PTPRT: variants seen among roughly 807,000 people sequenced by gnomAD.
The protein encoded by PTPRT is protein tyrosine phosphatase receptor type T.
PTPRT carries 56 observed loss-of-function variants against 176.8 expected under a neutral mutation model. That is an observed-to-expected ratio of 0.32 (90% CI 0.26 to 0.40). The LOEUF (loss-of-function observed/expected upper bound fraction) is 0.40, where lower values mean the gene tolerates loss of function less well. Ranked by LOEUF, PTPRT falls within the 10% of genes least tolerant of loss-of-function variation. The pLI is 1.00. For missense variants in PTPRT, 1,540 were observed against 1,908.2 expected (o/e 0.81, Z 3.60); for synonymous variants, 783 against 739.0 (o/e 1.06, Z -0.96).
intron 1 of PTPRT, among the ~76,000 whole-genome samples, chr20:43,110,155 T>A (rs548461554): frequency 6.6e-6 from 1 of 152,086 alleles, no homozygotes; most frequent in South Asian, 2.1e-4. Context: ...TGATGGAAGG[T>A]GAAGGGGAGC....
intron 7 of PTPRT, among the ~76,000 whole-genome samples, chr20:42,649,763 CAT>C (rs2074995588): frequency 6.6e-6 from 1 of 151,962 alleles, no homozygotes; most frequent in Non-Finnish European, 1.5e-5. Flanking sequence ...ACTTCTCTCT[CAT>C]GTTTGGAGAG....
chr20:43,070,068 G>C (rs191970289), intron 1 of PTPRT, among the ~76,000 whole-genome samples: 2 of 152,270 alleles, frequency 1.3e-5, no homozygotes, highest in East Asian at 3.9e-4. Flanking sequence ...ACCTACAGAT[G>C]TATTTCAATG....
chr20:42,234,558 C>CA (rs1383551976), intron 15 of PTPRT, among the ~76,000 whole-genome samples: 3 of 152,188 alleles, frequency 2.0e-5, no homozygotes, highest in Non-Finnish European at 4.4e-5. Flanking sequence ...CCCTGCCACA[C>CA]AAAAAATTCA....
intron 27 of PTPRT, among the ~76,000 whole-genome samples, chr20:42,091,281 T>C (rs1984591257): frequency 1.3e-5 from 2 of 152,206 alleles, no homozygotes; most frequent in South Asian, 4.1e-4. Flanking sequence ...CAAGTTCACG[T>C]GTGATATATA....
chr20:42,222,019 T>C (rs1476831320), intron 15 of PTPRT, among the ~76,000 whole-genome samples: 1 of 152,146 alleles, frequency 6.6e-6, no homozygotes, highest in Non-Finnish European at 1.5e-5. Context: ...TTTTCTATTG[T>C]AATTTAGAGC....
At chr20:42,688,455 T>A (rs2075736790) in intron 6 of PTPRT, 1 of 152,214 alleles carries the variant, frequency 6.6e-6, no homozygotes, top group Non-Finnish European at 1.5e-5. Flanking sequence ...CCAGGTGTGG[T>A]CACCACTTCC....
chr20:42,738,493 A>G (rs1569123993), intron 6 of PTPRT, among the ~76,000 whole-genome samples: 1 of 151,550 alleles, frequency 6.6e-6, no homozygotes. Flanking sequence ...TGGGCAACAG[A>G]GTGAGACTCT....
chr20:42,067,067 T>C, the PTPRT span, among the ~76,000 whole-genome samples: 11 of 152,180 alleles, frequency 7.2e-5, no homozygotes, highest in Non-Finnish European at 1.6e-4. Context: ...TCTGGTGATG[T>C]TTTCCTGTTT....
At chr20:42,111,458 G>GTAAT (rs919048264) in intron 22 of PTPRT, among the ~76,000 whole-genome samples, 5 of 152,204 alleles carry the variant, frequency 3.3e-5, no homozygotes, top group African/African-American at 1.2e-4. Flanking sequence ...GCCCAAGTGG[G>GTAAT]TAATTCTATT....
At chr20:43,010,726 C>G (rs1452034659) in intron 1 of PTPRT, among the ~76,000 whole-genome samples, 1 of 137,154 alleles carries the variant, frequency 7.3e-6, no homozygotes, top group Admixed American at 7.1e-5. Flanking sequence ...CCACCACTTG[C>G]AAGAAAAAAA....
intron 1 of PTPRT, among the ~76,000 whole-genome samples, chr20:43,024,316 T>C (rs1985825299): frequency 6.6e-6 from 1 of 152,026 alleles, no homozygotes; most frequent in Non-Finnish European, 1.5e-5. Context: ...TTAGTATCAG[T>C]GTTACTACTA....
At chr20:42,942,412 T>C (rs777468109) in intron 1 of PTPRT, among the ~76,000 whole-genome samples, 1 of 152,228 alleles carries the variant, frequency 6.6e-6, no homozygotes, top group African/African-American at 2.4e-5. Flanking sequence ...TTCTTTTCCC[T>C]ATGGAAGCCT....
chr20:42,236,184 C>T, intron 15 of PTPRT, 45 bp downstream of exon 15: 2 of 1,519,464 alleles, frequency 1.3e-6, no homozygotes, highest in Non-Finnish European at 1.8e-6. Context: ...GCTACAGGTT[C>T]CCTTACAGGG....
intron 3 of PTPRT, among the ~76,000 whole-genome samples, chr20:42,786,508 C>T (rs62205404): frequency 0.024 from 3,653 of 152,258 alleles, 60 homozygotes; most frequent in Middle Eastern, 0.11. Context: ...GTGCTTCCTA[C>T]GCTGGAAGAT....
chr20:42,708,607 C>T (rs187547723), intron 6 of PTPRT, among the ~76,000 whole-genome samples: 10 of 152,342 alleles, frequency 6.6e-5, no homozygotes, highest in Admixed American at 1.3e-4. Context: ...ATGCTCTACA[C>T]GTTCCACTTT....
At chr20:42,295,826 C>T (rs1050988284) in intron 12 of PTPRT, among the ~76,000 whole-genome samples, 8 of 152,108 alleles carry the variant, frequency 5.3e-5, no homozygotes, top group Non-Finnish European at 8.8e-5. Context: ...TTCCCACATG[C>T]TATTCTTGTC....
chr20:42,964,002 T>C lies in PTPRT; in HGVS notation c.89-78070A>G, dbSNP rs193093317. Among the ~76,000 whole-genome samples, 533 of 152,266 alleles carry C rather than the reference T, an allele frequency of 3.5e-3. 2 individuals carry two copies. The highest frequency in any genetic ancestry group is 6.5e-3 in the Admixed American group (99 of 15,298). On this transcript the variant is annotated intron_variant, in intron 1 of 30. Transcript: ENST00000373187. ...GTTTTGTTTTGTAACCCTTTAGAAA[T>C]GTAAATCCACCATTCCTAACCTGTG...
chr20:42,376,903 A>G (rs994771230), intron 9 of PTPRT, among the ~76,000 whole-genome samples: 22 of 152,308 alleles, frequency 1.4e-4, no homozygotes, highest in African/African-American at 4.8e-4. Context: ...CAAGCTTCAC[A>G]AAACTGTGGG....
chr20:42,206,781 G>T (rs1411848186), intron 15 of PTPRT, among the ~76,000 whole-genome samples: 1 of 152,258 alleles, frequency 6.6e-6, no homozygotes, highest in African/African-American at 2.4e-5. Flanking sequence ...GAACTGGGCG[G>T]AGCCCACCAC....
Sources: allele counts gnomAD v4.1 joint callset (sites outside exome capture counted in the v4.1 genomes callset), GRCh38; gene constraint gnomAD v4.1.1; transcripts MANE v1.5; gene names NCBI Gene and HGNC (gene_info 2026-07-23, HGNC 2026-07-21).